Variants in STON1 observed in about 807,000 individuals in gnomAD.
STON1 encodes stonin-1.
Under a neutral mutation model 60.9 loss-of-function variants are expected in STON1, and 79 were observed. The observed-to-expected ratio is 1.30, with a 90% CI of 1.08 to 1.56. The LOEUF (loss-of-function observed/expected upper bound fraction) is 1.56. STON1 is among the 40% of genes most tolerant of loss of function. STON1 has a pLI of 0.00. For synonymous variants in STON1, 363 were observed against 306.9 expected (o/e 1.18, Z -1.91); for missense variants, 1,166 against 858.9 (o/e 1.36, Z -4.47).
At chr2:48,587,201 C>A (rs968178042) in intron 2 of STON1, among the ~76,000 whole-genome samples, 1 of 152,224 alleles carries the variant, frequency 6.6e-6, no homozygotes, top group Non-Finnish European at 1.5e-5. Flanking sequence ...GAACTACTGA[C>A]GTGATCCCCT....
At chr2:48,578,186 A>C (rs949228940) in intron 1 of STON1, among the ~76,000 whole-genome samples, 1 of 152,052 alleles carries the variant, frequency 6.6e-6, no homozygotes, top group Admixed American at 6.6e-5. Context: ...CATGTTGGCC[A>C]TGCTGGCCTT....
intron 2 of STON1, among the ~76,000 whole-genome samples, chr2:48,587,005 C>T (rs546515266): frequency 3.3e-5 from 5 of 152,248 alleles, no homozygotes; most frequent in Non-Finnish European, 4.4e-5. Context: ...TGCCATTAGC[C>T]GAGATAGCCT....
rs546587691 is a variant in STON1, at chr2:48,550,382, A to T, written c.-48+20166A>T. On this transcript the variant is annotated intron_variant, in intron 1 of 3. Coordinates refer to ENST00000404752, the MANE Select transcript of STON1 (RefSeq NM_006873.4). ...CATGGTGGTGCGTGCCTGTAATCCCAGCTACTTGGGAGCCTGAGGCAGGAG... is the reference window on the plus strand; with the variant it reads ...CATGGTGGTGCGTGCCTGTAATCCCTGCTACTTGGGAGCCTGAGGCAGGAG... Among the ~76,000 whole-genome samples, 956 of 151,728 alleles carry T rather than the reference A, an allele frequency of 6.3e-3. 10 individuals carry two copies. The highest frequency in any genetic ancestry group is 0.022 in the African/African-American group (916 of 41,356).
chr2:48,555,406 G>A (rs1301241968), intron 1 of STON1, among the ~76,000 whole-genome samples: 1 of 67,082 alleles, frequency 1.5e-5, no homozygotes, highest in Non-Finnish European at 3.2e-5. Context: ...CCGGGCAGAG[G>A]CGCCCCTCAC....
At chr2:48,584,159 C>T (rs1674065454) in intron 2 of STON1, among the ~76,000 whole-genome samples, 1 of 152,174 alleles carries the variant, frequency 6.6e-6, no homozygotes, top group South Asian at 2.1e-4. Flanking sequence ...CTCACAGCTG[C>T]TGTAGTCCTT....
At chr2:48,535,800 T>A (rs1454482606) in intron 1 of STON1, among the ~76,000 whole-genome samples, 3 of 152,058 alleles carry the variant, frequency 2.0e-5, no homozygotes, top group African/African-American at 4.8e-5. Flanking sequence ...TACACAAATT[T>A]GTGTAGCTGG....
intron 2 of STON1, among the ~76,000 whole-genome samples, chr2:48,584,724 G>A (rs1342994899): frequency 2.0e-5 from 3 of 152,214 alleles, no homozygotes; most frequent in Non-Finnish European, 4.4e-5. Context: ...ACAAGGTGTA[G>A]CCAGAGGGAA....
At chr2:48,545,314 C>G (rs959350899) in intron 1 of STON1, among the ~76,000 whole-genome samples, 4 of 152,196 alleles carry the variant, frequency 2.6e-5, no homozygotes, top group East Asian at 1.9e-4. Context: ...GTTTCGCCAG[C>G]TTTCAACAGC....
rs1244751669 is a variant in STON1 at position 48,581,727 on chromosome 2, A to T, written c.1094A>T (p.Glu365Val). The change falls in exon 2 of 4, where the codon GAA becomes GTA. Residue 365 changes from glutamate to valine, a missense_variant. By Grantham distance (121) the Glu-to-Val change is moderately radical (BLOSUM62 -2). Coordinates refer to ENST00000404752, the MANE Select transcript of STON1 (RefSeq NM_006873.4). ...TEKRKYHSKTEVVHEPDIEQM... is the reference protein window; with the variant it reads ...TEKRKYHSKTVVVHEPDIEQM... ...AAAAGGAAATACCATTCTAAGACAG[A>T]AGTAGTTCATGAACCTGACATAGAG... is the stretch of plus-strand genomic sequence containing the variant. 4.3e-6 allele frequency: 7 copies of T among 1,611,530 alleles called. No individual in the cohort carries two copies. Among genetic ancestry groups the T allele is most frequent in the Non-Finnish European group, 5.9e-6 (7 of 1,179,412 alleles).
chr2:48,588,561 G>A (rs567088341), intron 2 of STON1, among the ~76,000 whole-genome samples: 1 of 152,232 alleles, frequency 6.6e-6, no homozygotes, highest in East Asian at 1.9e-4. Context: ...GTGTTGCTCA[G>A]GCTGGTCTCG....
chr2:48,548,682 AGATGTGGGG>A (rs1292482577), intron 1 of STON1, among the ~76,000 whole-genome samples: 1 of 151,288 alleles, frequency 6.6e-6, no homozygotes, highest in Non-Finnish European at 1.5e-5. Context: ...CATTTTTAGT[AGATGTGGGG>A]GTTTCACCAT....
intron 1 of STON1, among the ~76,000 whole-genome samples, chr2:48,558,754 C>A (rs1223837847): frequency 6.6e-6 from 1 of 152,204 alleles, no homozygotes; most frequent in Non-Finnish European, 1.5e-5. Flanking sequence ...CCCATGAAGC[C>A]TTCCTTGCTC....
chr2:48,580,487 A>G, intron 1 of STON1, 100 bp from the exon 2 acceptor site: 2 of 1,176,426 alleles, frequency 1.7e-6, no homozygotes, highest in Non-Finnish European at 2.2e-6. Flanking sequence ...CACCAACAGA[A>G]TTATAATTTT....
intron 2 of STON1, among the ~76,000 whole-genome samples, chr2:48,590,643 A>ACACACACACACACACACACG: frequency 6.6e-6 from 1 of 151,998 alleles, no homozygotes; most frequent in Middle Eastern, 3.4e-3. Context: ...TATAACACAC[A>ACACACACACACACACACACG]CACACACACA....
chr2:48,550,048 G>T (rs558055000), intron 1 of STON1, among the ~76,000 whole-genome samples: 26 of 152,018 alleles, frequency 1.7e-4, no homozygotes, highest in African/African-American at 6.3e-4. Flanking sequence ...GGGCAGTGAG[G>T]TGACTTCTGG....
intron 3 of STON1, among the ~76,000 whole-genome samples, chr2:48,593,877 G>A (rs1206901310): frequency 6.6e-6 from 1 of 152,122 alleles, no homozygotes; most frequent in East Asian, 1.9e-4. Context: ...GCTGTCCTGT[G>A]CAGCCCCTTC....
chr2:48,564,567 CTCCTT>C (rs1184956334), intron 1 of STON1, among the ~76,000 whole-genome samples: 1 of 55,046 alleles, frequency 1.8e-5, no homozygotes, highest in Non-Finnish European at 3.8e-5. Flanking sequence ...TCTTCTTCTT[CTCCTT>C]CTCCTTCTCC....
At chr2:48,553,654 AT>A (rs1412627027) in intron 1 of STON1, among the ~76,000 whole-genome samples, 1 of 151,804 alleles carries the variant, frequency 6.6e-6, no homozygotes, top group African/African-American at 2.4e-5. Context: ...TGCCTGGCTA[AT>A]TTTTTTATTT....
intron 1 of STON1, among the ~76,000 whole-genome samples, chr2:48,554,071 A>G (rs1449703514): frequency 1.3e-5 from 2 of 152,150 alleles, no homozygotes; most frequent in African/African-American, 2.4e-5. Flanking sequence ...GAGACCATCC[A>G]TCACCTTAGA....
Sources: gnomAD v4.1 joint callset for allele counts (sites outside exome capture counted in the v4.1 genomes callset) on GRCh38, gnomAD v4.1.1 for gene constraint, MANE v1.5 for transcripts, NCBI Gene and HGNC (gene_info 2026-07-23, HGNC 2026-07-21) for gene names.